Variants in SPOCK1 observed in about 807,000 individuals in gnomAD.
SPOCK1 encodes SPARC (osteonectin), cwcv and kazal like domains proteoglycan 1.
Under a neutral mutation model 55.3 loss-of-function variants are expected in SPOCK1, and 23 were observed. The ratio of observed to expected loss-of-function variants is 0.42; its 90% confidence interval spans 0.30 to 0.59. The LOEUF is 0.59. Among genes scored for constraint, SPOCK1 ranks in the 20% least tolerant of loss-of-function variants. SPOCK1 has a pLI of 0.22. For missense variants in SPOCK1, 499 were observed against 552.5 expected (o/e 0.90, Z 0.97); for synonymous variants, 226 against 221.0 (o/e 1.02, Z -0.20).
At chr5:137,284,302 C>T (rs572316936) in intron 2 of SPOCK1, among the ~76,000 whole-genome samples, 52 of 152,308 alleles carry the variant, frequency 3.4e-4, no homozygotes, top group African/African-American at 1.2e-3. Context: ...CTGCTGCACC[C>T]GACTCAGACC....
At chr5:137,240,592 A>G (rs1756262453) in intron 3 of SPOCK1, among the ~76,000 whole-genome samples, 3 of 152,214 alleles carry the variant, frequency 2.0e-5, no homozygotes, top group African/African-American at 7.2e-5. Context: ...GGGGATATCT[A>G]TTTAAACTAT....
At chr5:137,304,551 A>G (rs556411280) in intron 2 of SPOCK1, among the ~76,000 whole-genome samples, 3 of 152,286 alleles carry the variant, frequency 2.0e-5, no homozygotes, top group Admixed American at 6.5e-5. Flanking sequence ...TTATGGGAAG[A>G]GGAAATTAAG....
intron 2 of SPOCK1, among the ~76,000 whole-genome samples, chr5:137,460,487 G>T (rs114227179): frequency 3.0e-3 from 458 of 152,228 alleles, no homozygotes; most frequent in Non-Finnish European, 5.5e-3. Flanking sequence ...CTCCTCCTCT[G>T]CCCCAACCCT....
chr5:137,387,685 A>G (rs1751624253), intron 2 of SPOCK1, among the ~76,000 whole-genome samples: 1 of 152,200 alleles, frequency 6.6e-6, no homozygotes, highest in Non-Finnish European at 1.5e-5. Flanking sequence ...TGACTGTAGT[A>G]ATGTAAACTA....
chr5:137,017,694 T>C (rs539561341), intron 6 of SPOCK1, among the ~76,000 whole-genome samples: 9 of 152,072 alleles, frequency 5.9e-5, no homozygotes, highest in Non-Finnish European at 1.3e-4. Context: ...ACAAAACACA[T>C]CATTGTAAGT....
chr5:136,988,790 G>T (rs1230966299), intron 7 of SPOCK1, 147 bp from the exon 8 acceptor site: 2 of 623,588 alleles, frequency 3.2e-6, no homozygotes, highest in East Asian at 2.8e-5. Context: ...AGATTTAGTG[G>T]TTCTCTAGAA....
intron 2 of SPOCK1, among the ~76,000 whole-genome samples, chr5:137,446,916 G>C (rs776816173): frequency 6.6e-6 from 1 of 152,124 alleles, no homozygotes; most frequent in African/African-American, 2.4e-5. Context: ...TTGTCTTTTT[G>C]TGACTGGATT....
chr5:136,976,369 C>A lies in SPOCK1; in HGVS notation c.*2285G>T, dbSNP rs1750615755. On this transcript the variant is annotated 3_prime_UTR_variant, in exon 11 of 11. Coordinates refer to ENST00000394945, the MANE Select transcript of SPOCK1 (RefSeq NM_004598.4). The stretch of plus-strand genomic sequence containing the variant: ...CTGTCTATTGAGCACTCTTCTCCAT[C>A]ATTAAGTTAATGCTAAGGATCTTTA... The A allele has an allele frequency of 6.6e-6, 1 of 152,612 alleles. No individual in the cohort carries two copies. The highest frequency in any genetic ancestry group is 1.5e-5 in the Non-Finnish European group (1 of 68,040). 9.5% of individuals were successfully genotyped at this position (152,612 alleles called of 1,614,324 possible). A position where few individuals can be genotyped will look rare whatever the true frequency, so the allele number is the denominator to read the frequency against.
At chr5:137,138,294 T>C (rs768943126) in intron 4 of SPOCK1, among the ~76,000 whole-genome samples, 12 of 152,164 alleles carry the variant, frequency 7.9e-5, no homozygotes, top group Non-Finnish European at 1.6e-4. Flanking sequence ...CAAGCAAAAG[T>C]GTTGGTGCTT....
At chr5:137,118,687 A>G (rs529989778) in intron 4 of SPOCK1, among the ~76,000 whole-genome samples, 5 of 152,350 alleles carry the variant, frequency 3.3e-5, no homozygotes, top group African/African-American at 1.2e-4. Context: ...AAATTCAACA[A>G]TCTGTGTCAA....
intron 3 of SPOCK1, among the ~76,000 whole-genome samples, chr5:137,196,467 T>A (rs1475339062): frequency 1.3e-5 from 2 of 152,196 alleles, no homozygotes; most frequent in Non-Finnish European, 2.9e-5. Flanking sequence ...CAGGCTTTCC[T>A]TACTCTCTGC....
chr5:137,132,020 A>ATATATAT (rs1491415264), intron 4 of SPOCK1, among the ~76,000 whole-genome samples: 2 of 84,276 alleles, frequency 2.4e-5, no homozygotes, highest in African/African-American at 9.5e-5. Context: ...ATATATATAT[A>ATATATAT]AAAAATTAGC....
chr5:137,058,602 C>A (rs1752339983), intron 6 of SPOCK1, among the ~76,000 whole-genome samples: 1 of 151,846 alleles, frequency 6.6e-6, no homozygotes, highest in African/African-American at 2.4e-5. Flanking sequence ...TCTACTTGGG[C>A]AAGATAGACA....
chr5:137,411,902 CT>C (rs138554529), intron 2 of SPOCK1, among the ~76,000 whole-genome samples: 15,950 of 152,232 alleles, frequency 0.1, 1,133 homozygotes, highest in Admixed American at 0.23. Flanking sequence ...AAAATGTTGA[CT>C]GTTTTTCCAC....
chr5:137,426,521 G>T (rs1156471339), intron 2 of SPOCK1, among the ~76,000 whole-genome samples: 1 of 152,096 alleles, frequency 6.6e-6, no homozygotes, highest in Non-Finnish European at 1.5e-5. Context: ...TTCTAACAAG[G>T]GCAGCCTGGT....
chr5:136,978,594 G>T lies in SPOCK1; in HGVS notation c.*60C>A. ...GTGCCTTGGAGTCTTAGATACAAAT[G>T]CAGGAATAGGAAGTGACTTGCAATT... On this transcript the variant is annotated 3_prime_UTR_variant, in exon 11 of 11. Transcript: ENST00000394945. 4 of 1,529,268 alleles carry T rather than the reference G, an allele frequency of 2.6e-6. No individual in the cohort carries two copies. The South Asian group carries it at 5.2e-5, about 20-fold the overall frequency. 94.7% of individuals were successfully genotyped at this position (1,529,268 alleles called of 1,614,324 possible).
At chr5:137,093,697 A>G (rs1428796034) in intron 5 of SPOCK1, among the ~76,000 whole-genome samples, 1 of 152,218 alleles carries the variant, frequency 6.6e-6, no homozygotes, top group Non-Finnish European at 1.5e-5. Flanking sequence ...AGCCAGTCCC[A>G]TGACAGTCTA....
intron 2 of SPOCK1, among the ~76,000 whole-genome samples, chr5:137,346,765 G>A (rs1029655195): frequency 5.3e-5 from 8 of 152,198 alleles, no homozygotes; most frequent in African/African-American, 9.6e-5. Context: ...CTGTGTGCCA[G>A]GCCCAGTGTT....
chr5:136,978,571 G>T lies in SPOCK1; in HGVS notation c.*83C>A. On this transcript the variant is annotated 3_prime_UTR_variant, in exon 11 of 11. Coordinates refer to ENST00000394945, the MANE Select transcript of SPOCK1 (RefSeq NM_004598.4). ...GCAACAATGGAGAAGAGACCTTGGT[G>T]CCTTGGAGTCTTAGATACAAATGCA... is the stretch of plus-strand genomic sequence containing the variant. 1.4e-6 allele frequency: 2 copies of T among 1,450,794 alleles called. No individual in the cohort carries two copies. The highest frequency in any genetic ancestry group is 1.9e-6 in the Non-Finnish European group (2 of 1,072,574). 89.9% of individuals were successfully genotyped at this position (1,450,794 alleles called of 1,614,324 possible). A position where few individuals can be genotyped will look rare whatever the true frequency, so the allele number is the denominator to read the frequency against.
Sources: gnomAD v4.1 joint callset for allele counts (sites outside exome capture counted in the v4.1 genomes callset) on GRCh38, gnomAD v4.1.1 for gene constraint, MANE v1.5 for transcripts, NCBI Gene and HGNC (gene_info 2026-07-23, HGNC 2026-07-21) for gene names.